The following TMEM132C variants were observed in gnomAD, a reference collection of about 807,000 sequenced individuals.
TMEM132C encodes protein phosphatase 1, regulatory subunit 152.
TMEM132C carries 29 observed loss-of-function variants against 61.4 expected under a neutral mutation model. The observed-to-expected ratio is 0.47, with a 90% confidence interval of 0.35 to 0.64. The LOEUF (loss-of-function observed/expected upper bound fraction) is 0.64, where lower values mean the gene tolerates loss of function less well. Among genes scored for constraint, TMEM132C ranks in the 30% least tolerant of loss-of-function variants. The pLI is 0.00. For missense variants in TMEM132C, 1,408 were observed against 1,476.9 expected (o/e 0.95, Z 0.76); for synonymous variants, 656 against 633.1 (o/e 1.04, Z -0.54).
At chr12:128,367,771 C>T (rs1428828003) in intron 1 of TMEM132C, among the ~76,000 whole-genome samples, 1 of 151,572 alleles carries the variant, frequency 6.6e-6, no homozygotes, top group Non-Finnish European at 1.5e-5. Flanking sequence ...GAATAATTTA[C>T]ATAGTGATTA....
In TMEM132C at chr12:128,707,805, A is replaced by C. The variant is rs1158917051; in HGVS notation, c.*1510A>C. 1.3e-5 allele frequency: 2 copies of C among 152,140 alleles called. No homozygotes were observed. Among genetic ancestry groups the C allele is most frequent in the African/African-American group, 2.4e-5 (1 of 41,412 alleles). 9.4% of individuals were successfully genotyped at this position (152,140 alleles called of 1,614,324 possible). A position where few individuals can be genotyped will look rare whatever the true frequency, so the allele number is the denominator to read the frequency against. On this transcript the variant is annotated 3_prime_UTR_variant, in exon 9 of 9. Coordinates refer to ENST00000435159, the MANE Select transcript of TMEM132C (RefSeq NM_001136103.3). ...CTTGAAGCCTCCTAACCTGGGTTGGACCTTTGAAAAATATATTTGTAGCAC... is the reference window on the plus strand; with the variant it reads ...CTTGAAGCCTCCTAACCTGGGTTGGCCCTTTGAAAAATATATTTGTAGCAC...
chr12:128,401,503 C>T (rs1875155892), intron 1 of TMEM132C, among the ~76,000 whole-genome samples: 1 of 152,072 alleles, frequency 6.6e-6, no homozygotes, highest in Non-Finnish European at 1.5e-5. Flanking sequence ...CAGACGCAGA[C>T]TGGTATAGCT....
intron 4 of TMEM132C, among the ~76,000 whole-genome samples, chr12:128,667,163 T>C (rs150093660): frequency 6.5e-4 from 99 of 152,254 alleles, no homozygotes; most frequent in Non-Finnish European, 8.4e-4. Context: ...TTAATTTTGG[T>C]GGAGTGCAAT....
intron 2 of TMEM132C, among the ~76,000 whole-genome samples, chr12:128,452,116 GTCTC>G (rs1186979111): frequency 3.3e-5 from 5 of 151,752 alleles, no homozygotes; most frequent in African/African-American, 1.2e-4. Flanking sequence ...TTGATACAGG[GTCTC>G]TCTCACTCTG....
chr12:128,482,241 A>T (rs1191319022), intron 2 of TMEM132C, among the ~76,000 whole-genome samples: 1 of 152,200 alleles, frequency 6.6e-6, no homozygotes, highest in Non-Finnish European at 1.5e-5. Context: ...CCAGGGATGA[A>T]GCCGACTTGA....
Position 128,508,267 on chromosome 12 carries a change from A to G in TMEM132C, c.975-35690A>G, listed in dbSNP as rs537493182. 7.9e-5 allele frequency among the ~76,000 whole-genome samples: 12 copies of G among 152,308 alleles called. No individual in the cohort carries two copies. The East Asian group carries it at 1.7e-3, about 22-fold the overall frequency. On this transcript the variant is annotated intron_variant, in intron 2 of 8. Transcript: ENST00000435159. ...ACTTTTTCACTACCATGAGAACGGT[A>G]TGGGGGAAACCGCCTCCGTGATTCA...
intron 3 of TMEM132C, among the ~76,000 whole-genome samples, chr12:128,565,873 G>T (rs1874679553): frequency 6.8e-6 from 1 of 146,948 alleles, no homozygotes; most frequent in African/African-American, 2.6e-5. Flanking sequence ...ATCTAAATAG[G>T]TGAAAAAAAA....
chr12:128,602,463 C>T (rs1876231426), intron 3 of TMEM132C, among the ~76,000 whole-genome samples: 1 of 152,198 alleles, frequency 6.6e-6, no homozygotes, highest in Admixed American at 6.5e-5. Context: ...CAAGATTGAC[C>T]CAGGAGGGCA....
At chr12:128,378,123 T>C (rs1451676957) in intron 1 of TMEM132C, among the ~76,000 whole-genome samples, 1 of 14,906 alleles carries the variant, frequency 6.7e-5, no homozygotes, top group East Asian at 1.1e-3. Flanking sequence ...TTTTTTGTTT[T>C]TTTTTTTTTG....
At chr12:128,297,304 C>T (rs1467011037) in intron 1 of TMEM132C, among the ~76,000 whole-genome samples, 10 of 152,182 alleles carry the variant, frequency 6.6e-5, no homozygotes, top group Admixed American at 4.6e-4. Flanking sequence ...ACGTGATGGC[C>T]TCCTGCCGAT....
chr12:128,340,548 G>A (rs1872923690), intron 1 of TMEM132C, among the ~76,000 whole-genome samples: 1 of 152,156 alleles, frequency 6.6e-6, no homozygotes, highest in Admixed American at 6.5e-5. Flanking sequence ...GGCATTAATA[G>A]ATTAGCCTAA....
At chr12:128,282,319 G>A (rs1870923059) in intron 1 of TMEM132C, among the ~76,000 whole-genome samples, 1 of 152,210 alleles carries the variant, frequency 6.6e-6, no homozygotes, top group South Asian at 2.1e-4. Flanking sequence ...CTGAGACGGG[G>A]TAATTTATAA....
chr12:128,644,809 C>T (rs1308740517), intron 4 of TMEM132C, among the ~76,000 whole-genome samples: 1 of 152,168 alleles, frequency 6.6e-6, no homozygotes, highest in Middle Eastern at 3.2e-3. Flanking sequence ...CCGTTTTCCT[C>T]TGGTCAGGTG....
At chr12:128,656,316 G>T (rs932436729) in intron 4 of TMEM132C, among the ~76,000 whole-genome samples, 7 of 152,178 alleles carry the variant, frequency 4.6e-5, no homozygotes, top group Non-Finnish European at 1.0e-4. Context: ...CTCCCAAAGT[G>T]CTGGGATTAC....
At position 128,415,208 on chromosome 12, in the gene TMEM132C, A is replaced by C. The variant is rs756001636; in HGVS notation, c.562A>C (p.Lys188Gln). 1.9e-6 allele frequency: 3 copies of C among 1,610,486 alleles called. No individual in the cohort carries two copies. Among genetic ancestry groups the C allele is most frequent in the Non-Finnish European group, 2.5e-6 (3 of 1,178,496 alleles). Residue 188 changes from lysine to glutamine, a missense_variant, in exon 2 of 9, where the codon AAG (lysine) becomes CAG (glutamine). Coordinates refer to ENST00000435159, the MANE Select transcript of TMEM132C (RefSeq NM_001136103.3). This position sits in a 1 kb window ranked among gnomAD's most constrained non-coding sequence, Gnocchi z 5.8. ...AGAGGTGCGGGGCAGCTGCCGGCTG[A>C]AGGGGGACCTGGGGCTGTGTGTGGC... Reference protein sequence around the residue: ...TREVRGSCRLKGDLGLCVAEL... With the variant: ...TREVRGSCRLQGDLGLCVAEL...
At chr12:128,647,642 TCAA>T (rs1228760669) in intron 4 of TMEM132C, among the ~76,000 whole-genome samples, 2 of 151,028 alleles carry the variant, frequency 1.3e-5, no homozygotes, top group African/African-American at 4.9e-5. Context: ...CCAGATGCCA[TCAA>T]CGTTAAATAT....
At chr12:128,439,563 C>A (rs959899417) in intron 2 of TMEM132C, among the ~76,000 whole-genome samples, 4 of 152,148 alleles carry the variant, frequency 2.6e-5, no homozygotes, top group Non-Finnish European at 5.9e-5. Context: ...CTATTTCATT[C>A]AATACTTTAT....
rs1874840342 is a variant in TMEM132C at position 128,570,512 on chromosome 12, A to T, written c.1121+26409A>T. On this transcript the variant is annotated intron_variant, in intron 3 of 8. Transcript: ENST00000435159. The surrounding 1 kb of genome is among the most constrained non-coding windows in gnomAD (Gnocchi z 4.7). ...GGGTGTTTTTACTGATGCCATGAAC[A>T]GAAACTAGATTGCAGAGGCCTAACG... Among the ~76,000 whole-genome samples, 2 of 152,002 alleles carry T rather than the reference A, an allele frequency of 1.3e-5. No homozygotes were observed.
At chr12:128,566,418 G>A (rs1192422588) in intron 3 of TMEM132C, among the ~76,000 whole-genome samples, 2 of 152,082 alleles carry the variant, frequency 1.3e-5, no homozygotes, top group Non-Finnish European at 2.9e-5. Context: ...ACCTGAGAAT[G>A]TTATTTCTTT....
Sources: gnomAD v4.1 joint callset for allele counts (sites outside exome capture counted in the v4.1 genomes callset) on GRCh38, gnomAD v4.1.1 for gene constraint, Gnocchi (gnomAD v3.1) non-coding constraint, MANE v1.5 for transcripts, NCBI Gene and HGNC (gene_info 2026-07-23, HGNC 2026-07-21) for gene names.